ROBO2: variants seen among roughly 807,000 people sequenced by gnomAD.
The protein encoded by ROBO2 is roundabout homolog 2.
A neutral mutation model predicts 160.8 loss-of-function variants in ROBO2; 53 were observed. The observed-to-expected ratio is 0.33, with a 90% CI of 0.26 to 0.41. The LOEUF (loss-of-function observed/expected upper bound fraction) is 0.41, where lower values mean the gene tolerates loss of function less well. Among genes scored for constraint, ROBO2 ranks in the 10% least tolerant of loss-of-function variants. The pLI, the probability that ROBO2 is intolerant of heterozygous loss-of-function variation, is 1.00. For missense variants in ROBO2, 1,577 were observed against 1,722.4 expected, an observed-to-expected ratio of 0.92 and a Z score of 1.49; for synonymous variants, 664 against 611.7, an observed-to-expected ratio of 1.09 and a Z score of -1.26.
intron 2 of ROBO2, among the ~76,000 whole-genome samples, chr3:77,010,174 G>A (rs1358485543): frequency 1.3e-5 from 2 of 151,976 alleles, no homozygotes; most frequent in African/African-American, 2.4e-5. Context: ...ACGGAGGATT[G>A]CCCATTCAAA....
At chr3:77,644,619 T>C in intron 24 of ROBO2, 85 bp from the exon 27 acceptor site, 2 of 1,171,188 alleles carry the variant, frequency 1.7e-6, no homozygotes, top group East Asian at 2.3e-5. Context: ...AAGTAGGCCA[T>C]TCACAGTGTT....
chr3:77,093,060 C>T (rs2150036594), intron 1 of ROBO2, among the ~76,000 whole-genome samples: 1 of 151,780 alleles, frequency 6.6e-6, no homozygotes, highest in South Asian at 2.1e-4. Flanking sequence ...CCTTCTCTTC[C>T]CTCTCCCCCT....
chr3:77,313,420 A>G (rs554907511), intron 2 of ROBO2, among the ~76,000 whole-genome samples: 8 of 152,254 alleles, frequency 5.3e-5, no homozygotes, highest in African/African-American at 1.7e-4. Context: ...ATATTATATT[A>G]TTGTTAACTA....
chr3:76,798,269 AAAG>A (rs1183441862), intron 2 of ROBO2, among the ~76,000 whole-genome samples: 1 of 145,538 alleles, frequency 6.9e-6, no homozygotes, highest in Non-Finnish European at 1.5e-5. Context: ...GGAAAGAAAG[AAAG>A]AAAGAAAGAA....
At chr3:76,988,917 T>C (rs2060523530) in intron 2 of ROBO2, among the ~76,000 whole-genome samples, 1 of 152,144 alleles carries the variant, frequency 6.6e-6, no homozygotes, top group Non-Finnish European at 1.5e-5. Flanking sequence ...AGCTTCAAAT[T>C]GTTCCAATGT....
intron 2 of ROBO2, among the ~76,000 whole-genome samples, chr3:76,551,039 G>A (rs893365235): frequency 4.6e-5 from 7 of 152,070 alleles, no homozygotes; most frequent in Non-Finnish European, 7.4e-5. Context: ...TAGGAGTCTC[G>A]GGGGCGAGCT....
intron 2 of ROBO2, among the ~76,000 whole-genome samples, chr3:76,742,619 CA>C (rs2093820640): frequency 6.6e-6 from 1 of 152,104 alleles, no homozygotes; most frequent in African/African-American, 2.4e-5. Flanking sequence ...ATTTTTCACA[CA>C]AGCCTTTGGA....
chr3:76,448,654 C>T (rs2077321752), intron 2 of ROBO2, among the ~76,000 whole-genome samples: 1 of 152,290 alleles, frequency 6.6e-6, no homozygotes, highest in Admixed American at 6.5e-5. Flanking sequence ...TCCTTCCAAA[C>T]ATTTTTAAGA....
chr3:77,612,726 C>T (rs1252671255), intron 21 of ROBO2, among the ~76,000 whole-genome samples: 1 of 152,066 alleles, frequency 6.6e-6, no homozygotes, highest in Non-Finnish European at 1.5e-5. Flanking sequence ...ATGGGCAGAT[C>T]ACGAGGTTAG....
chr3:76,121,337 G>A (rs902243046), intron 2 of ROBO2, among the ~76,000 whole-genome samples: 1 of 152,142 alleles, frequency 6.6e-6, no homozygotes, highest in South Asian at 2.1e-4. Context: ...GTAGTAAGGA[G>A]GGGGGAGGAA....
At chr3:76,975,754 A>G (rs888584156) in intron 2 of ROBO2, among the ~76,000 whole-genome samples, 1 of 152,126 alleles carries the variant, frequency 6.6e-6, no homozygotes, top group Non-Finnish European at 1.5e-5. Flanking sequence ...AACTGTCAAA[A>G]CACAAATCTT....
At chr3:76,806,824 A>G (rs1367796856) in intron 2 of ROBO2, among the ~76,000 whole-genome samples, 1 of 152,028 alleles carries the variant, frequency 6.6e-6, no homozygotes, top group Non-Finnish European at 1.5e-5. Context: ...TCTATTTCAC[A>G]TGATTAATTT....
At chr3:76,832,326 A>G (rs2067161385) in intron 2 of ROBO2, among the ~76,000 whole-genome samples, 1 of 152,224 alleles carries the variant, frequency 6.6e-6, no homozygotes, top group South Asian at 2.1e-4. Context: ...TCTCTGTTAA[A>G]ATCAATATGA....
At chr3:77,378,611 G>A (rs1275285216) in intron 2 of ROBO2, among the ~76,000 whole-genome samples, 1 of 152,106 alleles carries the variant, frequency 6.6e-6, no homozygotes, top group African/African-American at 2.4e-5. Flanking sequence ...AAACTCTGTA[G>A]TTTTATTCAC....
At position 76,835,160 on chromosome 3, in the gene ROBO2, GTC is replaced by G. The variant is rs2067571746; in HGVS notation, c.110-262850_110-262849del. ...TGCTAGTAAACTGTTCATATAATGT[GTC>G]TCTTCTCATCTTTAAAACTGACTTA... is the stretch of plus-strand genomic sequence containing the variant. On this transcript the variant is annotated intron_variant, in intron 2 of 26. Transcript: ENST00000487694. Among the ~76,000 whole-genome samples, 6 of 151,778 alleles carry G rather than the reference GTC, an allele frequency of 4.0e-5. No homozygotes were observed. In the South Asian group the frequency reaches 1.2e-3, roughly 32 times the overall value.
At chr3:76,434,709 C>T in intron 2 of ROBO2, 1 of 1,063,456 alleles carries the variant, frequency 9.4e-7, no homozygotes, top group Non-Finnish European at 1.5e-6. Context: ...CCAGGCAGGC[C>T]CCCCTCCTCC....
At chr3:76,641,990 G>C (rs2109716147) in intron 2 of ROBO2, among the ~76,000 whole-genome samples, 1 of 152,250 alleles carries the variant, frequency 6.6e-6, no homozygotes, top group Admixed American at 6.5e-5. Context: ...AAAGTGTTGG[G>C]AATACAGGCA....
chr3:76,761,757 T>C (rs970549865), intron 2 of ROBO2, among the ~76,000 whole-genome samples: 6 of 151,730 alleles, frequency 4.0e-5, no homozygotes, highest in Admixed American at 3.3e-4. Context: ...CATGTCTTGA[T>C]AGAACATTGA....
chr3:77,380,232 A>G (rs540274502), intron 2 of ROBO2, among the ~76,000 whole-genome samples: 1 of 152,336 alleles, frequency 6.6e-6, no homozygotes, highest in Non-Finnish European at 1.5e-5. Flanking sequence ...TTTGGAAGAA[A>G]TCAAAATAAC....
Sources: allele counts gnomAD v4.1 joint callset (sites outside exome capture counted in the v4.1 genomes callset), GRCh38; gene constraint gnomAD v4.1.1; transcripts MANE v1.5; gene names NCBI Gene and HGNC (gene_info 2026-07-23, HGNC 2026-07-21).